Variants in SORCS2 observed in about 807,000 individuals in gnomAD.
The protein encoded by SORCS2 is sortilin related VPS10 domain containing receptor 2.
SORCS2 carries 100 observed loss-of-function variants against 141.6 expected under a neutral mutation model. The observed-to-expected ratio is 0.71, with a 90% CI of 0.60 to 0.83. The LOEUF is 0.83. Among genes scored for constraint, SORCS2 ranks in the 40% least tolerant of loss-of-function variants. The pLI, the probability that SORCS2 is intolerant of heterozygous loss-of-function variation, is 0.00. For missense variants in SORCS2, 1,646 were observed against 1,560.2 expected (o/e 1.05, Z -0.93); for synonymous variants, 789 against 676.9 (o/e 1.17, Z -2.57).
rs374456020 is a variant in SORCS2, at chr4:7,569,766, A to C, written c.648+38137A>C. On this transcript the variant is annotated intron_variant, in intron 3 of 26. Transcript: ENST00000507866. ...TATAATACAACATGTACATGTATACACAACACACGTCTGATGAATGCAGTG... is the reference window on the plus strand; with the variant it reads ...TATAATACAACATGTACATGTATACCCAACACACGTCTGATGAATGCAGTG... 6.6e-5 allele frequency among the ~76,000 whole-genome samples: 10 copies of C among 152,354 alleles called. No individual in the cohort carries two copies. The East Asian group carries it at 1.7e-3, about 26-fold the overall frequency.
intron 2 of SORCS2, among the ~76,000 whole-genome samples, chr4:7,484,101 C>T (rs994905168): frequency 6.6e-6 from 1 of 152,148 alleles, no homozygotes; most frequent in African/African-American, 2.4e-5. Context: ...TCCTAGAAAA[C>T]ACAGTGCAAT....
intron 1 of SORCS2, among the ~76,000 whole-genome samples, chr4:7,206,982 A>G (rs562390389): frequency 6.6e-6 from 1 of 152,182 alleles, no homozygotes; most frequent in African/African-American, 2.4e-5. Context: ...GACGGAAATG[A>G]CTTTGCAGCA....
At position 7,729,594 on chromosome 4, in the gene SORCS2, G is replaced by T. The variant is rs1204346675; in HGVS notation, c.2990G>T (p.Ser997Ile). ...VVTRLLSKETSVPQELLVTVV... is the reference protein window; with the variant it reads ...VVTRLLSKETIVPQELLVTVV... Reference sequence around the variant, plus strand: ...GCTTAACTCTCCCCGCAGGAGACCAGCGTCCCTCAGGAGCTTCTGGTGACT... The same window carrying T: ...GCTTAACTCTCCCCGCAGGAGACCATCGTCCCTCAGGAGCTTCTGGTGACT... The change falls in exon 23 of 27, where the codon AGC (serine) becomes ATC (isoleucine). Residue 997 changes from serine (S) to isoleucine (I), a missense_variant. Physicochemically the swap from Ser to Ile is moderately radical, Grantham distance 142. Coordinates refer to ENST00000507866, the MANE Select transcript of SORCS2 (RefSeq NM_020777.3). The T allele has an allele frequency of 3.2e-6, 5 of 1,583,580 alleles. No individual in the cohort carries two copies. Among genetic ancestry groups the T allele is most frequent in the Non-Finnish European group, 3.4e-6 (4 of 1,165,180 alleles).
intron 1 of SORCS2, among the ~76,000 whole-genome samples, chr4:7,368,476 C>A (rs1487871011): frequency 2.0e-5 from 3 of 152,210 alleles, no homozygotes; most frequent in Non-Finnish European, 4.4e-5. Flanking sequence ...AGGGTCACGC[C>A]TGCCAATCCA....
chr4:7,557,524 AGAT>A (rs1410618272), intron 3 of SORCS2, among the ~76,000 whole-genome samples: 1 of 152,244 alleles, frequency 6.6e-6, no homozygotes, highest in East Asian at 1.9e-4. Flanking sequence ...AAGTAGATAG[AGAT>A]GAATAACCAA....
chr4:7,389,955 C>T (rs1036227484), intron 1 of SORCS2, among the ~76,000 whole-genome samples: 2 of 152,096 alleles, frequency 1.3e-5, no homozygotes, highest in African/African-American at 4.8e-5. Flanking sequence ...CCAGGGTAGC[C>T]CCTCAAATGT....
intron 2 of SORCS2, among the ~76,000 whole-genome samples, chr4:7,499,835 C>T (rs559688023): frequency 1.2e-4 from 19 of 152,270 alleles, no homozygotes; most frequent in South Asian, 1.2e-3. Flanking sequence ...AATCGGGGAC[C>T]GAGCCGGCAC....
At chr4:7,487,632 T>C (rs1323832920) in intron 2 of SORCS2, among the ~76,000 whole-genome samples, 1 of 152,204 alleles carries the variant, frequency 6.6e-6, no homozygotes, top group Non-Finnish European at 1.5e-5. Context: ...GGCAGCTGCA[T>C]GCTAATCTCA....
At chr4:7,733,776 C>T (rs1340548821) in intron 24 of SORCS2, among the ~76,000 whole-genome samples, 2 of 152,228 alleles carry the variant, frequency 1.3e-5, no homozygotes, top group African/African-American at 4.8e-5. Flanking sequence ...GACACCGTGC[C>T]CTTGAAACTC....
intron 2 of SORCS2, among the ~76,000 whole-genome samples, chr4:7,416,733 C>CAT (rs397826463): frequency 0.035 from 5,319 of 150,712 alleles, 119 homozygotes; most frequent in East Asian, 0.078. Flanking sequence ...CAGACACACA[C>CAT]GCATGCACAC....
At chr4:7,676,742 C>T (rs1290745765) in intron 9 of SORCS2, among the ~76,000 whole-genome samples, 1 of 146,922 alleles carries the variant, frequency 6.8e-6, no homozygotes, top group Non-Finnish European at 1.5e-5. Flanking sequence ...CTCCCTCTCT[C>T]CACCCCCGCC....
chr4:7,633,021 A>T (rs534386829), intron 3 of SORCS2, among the ~76,000 whole-genome samples: 37 of 152,334 alleles, frequency 2.4e-4, no homozygotes, highest in Admixed American at 7.2e-4. Flanking sequence ...TGTATAAATG[A>T]GAAGCATTTA....
At chr4:7,381,883 C>G in intron 1 of SORCS2, 1 of 985,922 alleles carries the variant, frequency 1.0e-6, no homozygotes, top group South Asian at 4.7e-5. Flanking sequence ...GGGCAGGCCA[C>G]AGCCTTCAAC....
At chr4:7,373,449 G>A (rs1187220976) in intron 1 of SORCS2, among the ~76,000 whole-genome samples, 1 of 108,022 alleles carries the variant, frequency 9.3e-6, no homozygotes, top group Non-Finnish European at 1.7e-5. Context: ...ATTGAATTGT[G>A]AGAAACTTTT....
intron 2 of SORCS2, among the ~76,000 whole-genome samples, chr4:7,491,799 AG>A: frequency 6.6e-6 from 1 of 152,250 alleles, no homozygotes; most frequent in Middle Eastern, 3.4e-3. Context: ...TGGGAGGGTG[AG>A]GGCTGGCTCA....
intron 22 of SORCS2, 51 bp from the exon 23 acceptor site, chr4:7,729,536 G>T: frequency 1.9e-6 from 3 of 1,546,550 alleles, no homozygotes; most frequent in African/African-American, 2.7e-5. Context: ...CCAGTATGAG[G>T]CAGGGAATGA....
intron 1 of SORCS2, among the ~76,000 whole-genome samples, chr4:7,214,700 T>A (rs551934226): frequency 2.6e-5 from 4 of 152,126 alleles, no homozygotes; most frequent in Non-Finnish European, 4.4e-5. Flanking sequence ...GCTCACCCCT[T>A]GTAGAGACAG....
chr4:7,578,785 G>A (rs138884920), intron 3 of SORCS2, among the ~76,000 whole-genome samples: 579 of 152,258 alleles, frequency 3.8e-3, no homozygotes, highest in Non-Finnish European at 5.4e-3. Context: ...TAAAACACAC[G>A]GAGGATTTGA....
At chr4:7,650,688 GT>G (rs1721379188) in intron 4 of SORCS2, among the ~76,000 whole-genome samples, 2 of 150,804 alleles carry the variant, frequency 1.3e-5, no homozygotes, top group South Asian at 4.2e-4. Flanking sequence ...GCAGACCCGG[GT>G]CCCCGCCTCC....
Sources: allele counts gnomAD v4.1 joint callset (sites outside exome capture counted in the v4.1 genomes callset), GRCh38; gene constraint gnomAD v4.1.1; transcripts MANE v1.5; gene names NCBI Gene and HGNC (gene_info 2026-07-23, HGNC 2026-07-21).